Variants in ELMO1 observed in about 807,000 individuals in gnomAD.
ELMO1 encodes engulfment and cell motility 1, also known as engulfment and cell motility protein 1.
In ELMO1, 26 loss-of-function variants were observed where a neutral mutation model predicts 98.9. The ratio of observed to expected loss-of-function variants is 0.26; its 90% CI spans 0.19 to 0.36. ELMO1 has a LOEUF of 0.36. ELMO1 is among the 10% of genes least tolerant of loss of function. The pLI is 1.00. For synonymous variants in ELMO1, 346 were observed against 346.0 expected, an observed-to-expected ratio of 1.00 and a Z score of 0.00; for missense variants, 627 against 935.2, an observed-to-expected ratio of 0.67 and a Z score of 4.30.
intron 16 of ELMO1, among the ~76,000 whole-genome samples, chr7:36,974,472 C>T (rs912384100): frequency 2.6e-5 from 4 of 152,206 alleles, no homozygotes; most frequent in Non-Finnish European, 1.5e-5. Flanking sequence ...AATCGACACT[C>T]TGTATCTAGC....
At position 36,856,221 on chromosome 7, in the gene ELMO1, C is replaced by T. The variant is rs575633721; in HGVS notation, c.1984-470G>A. On this transcript the variant is annotated intron_variant, in intron 21 of 21. Transcript: ENST00000310758. ...TGGCTCCTAGTCTAGTAGCTCATCTCGGCCTGTCCTGTCTGATCCTAGCAT... is the reference window on the plus strand; with the variant it reads ...TGGCTCCTAGTCTAGTAGCTCATCTTGGCCTGTCCTGTCTGATCCTAGCAT... Among the ~76,000 whole-genome samples the T allele has an allele frequency of 1.5e-4, 23 of 152,290 alleles. 1 individual carries two copies. The South Asian group carries it at 3.9e-3, about 26-fold the overall frequency.
Position 37,428,467 on chromosome 7 carries a change from T to C in ELMO1, c.-74+20208A>G, listed in dbSNP as rs537911874. 6.4e-4 allele frequency among the ~76,000 whole-genome samples: 97 copies of C among 152,366 alleles called. No homozygotes were observed. The Middle Eastern group carries it at 0.01, about 16-fold the overall frequency. On this transcript the variant is annotated intron_variant, in intron 1 of 21. Transcript: ENST00000310758. ...CAGAACCAGCTAACCAATGTGTATA[T>C]GCCTGGAGCCAATCTCATCTGTGTC...
rs1354090178 is a variant in ELMO1 at position 36,854,467 on chromosome 7, G to A, written c.*1084C>T. On this transcript the variant is annotated 3_prime_UTR_variant, in exon 22 of 22. Coordinates refer to ENST00000310758, the MANE Select transcript of ELMO1 (RefSeq NM_014800.11). ...AAAAACTGGAAATTCACACATTTAT[G>A]TATCTCTTCTTTTCATTAAATATAT... 2 of 147,734 alleles carry A rather than the reference G, an allele frequency of 1.4e-5. No individual in the cohort carries two copies. Among genetic ancestry groups the A allele is most frequent in the Admixed American group, 1.4e-4 (2 of 14,580 alleles). 9.2% of individuals were successfully genotyped at this position (147,734 alleles called of 1,614,324 possible).
In ELMO1 at chr7:37,112,388, T is replaced by C. The variant is rs113663853; in HGVS notation, c.1192-15661A>G. Among the ~76,000 whole-genome samples, 1,155 of 152,020 alleles carry C rather than the reference T, an allele frequency of 7.6e-3. 15 individuals carry two copies. The highest frequency in any genetic ancestry group is 0.026 in the African/African-American group (1,057 of 41,450). On this transcript the variant is annotated intron_variant, in intron 14 of 21. Transcript: ENST00000310758. Reference sequence around the variant, plus strand: ...GATAAGTGGGCAAGCAGGGAAGGGATGGAGAAAGCAGGAGCTGAGTCAGCA... The same window carrying C: ...GATAAGTGGGCAAGCAGGGAAGGGACGGAGAAAGCAGGAGCTGAGTCAGCA...
intron 4 of ELMO1, among the ~76,000 whole-genome samples, chr7:37,275,802 G>A (rs371519067): frequency 6.6e-6 from 1 of 152,190 alleles, no homozygotes; most frequent in African/African-American, 2.4e-5. Context: ...AAATGTTAAG[G>A]TCCTGACAGA....
intron 13 of ELMO1, among the ~76,000 whole-genome samples, chr7:37,193,008 T>TATACAC (rs1184401217): frequency 1.6e-5 from 2 of 125,096 alleles, no homozygotes; most frequent in African/African-American, 6.5e-5. Flanking sequence ...TATATATATA[T>TATACAC]ACACACACAC....
chr7:36,932,811 C>G (rs1042016970), intron 16 of ELMO1, among the ~76,000 whole-genome samples: 2 of 152,164 alleles, frequency 1.3e-5, no homozygotes, highest in African/African-American at 4.8e-5. Flanking sequence ...TCTGTGTGCT[C>G]CATTCATCAC....
At chr7:37,309,464 G>A (rs73112613) in intron 4 of ELMO1, among the ~76,000 whole-genome samples, 236 of 152,356 alleles carry the variant, frequency 1.5e-3, no homozygotes, top group Middle Eastern at 6.8e-3. Context: ...ATTATTGCCT[G>A]TGGACTGGCC....
At chr7:36,919,450 T>C (rs778754212) in intron 16 of ELMO1, 3 of 517,230 alleles carry the variant, frequency 5.8e-6, no homozygotes, top group Admixed American at 3.9e-5. Context: ...CTAGGAAGAA[T>C]GTGGGCTTTG....
intron 16 of ELMO1, among the ~76,000 whole-genome samples, chr7:36,926,626 G>A (rs535386711): frequency 1.2e-3 from 180 of 152,240 alleles, no homozygotes; most frequent in Non-Finnish European, 2.2e-3. Flanking sequence ...AGGAGGAAGA[G>A]GATAGAAAGA....
chr7:36,976,229 A>G (rs1308224014), intron 16 of ELMO1, among the ~76,000 whole-genome samples: 1 of 152,206 alleles, frequency 6.6e-6, no homozygotes, highest in East Asian at 1.9e-4. Flanking sequence ...CCTAGAACCA[A>G]AACTCCCATT....
intron 1 of ELMO1, among the ~76,000 whole-genome samples, chr7:37,425,933 T>C (rs554914211): frequency 6.6e-6 from 1 of 152,296 alleles, no homozygotes; most frequent in East Asian, 1.9e-4. Flanking sequence ...AGAACAAGAC[T>C]CTGGACCCTC....
At chr7:37,396,793 G>C (rs1396084862) in intron 1 of ELMO1, among the ~76,000 whole-genome samples, 5 of 152,172 alleles carry the variant, frequency 3.3e-5, no homozygotes, top group Non-Finnish European at 5.9e-5. Context: ...CTATTTCCAA[G>C]TGTTAGATGC....
intron 2 of ELMO1, among the ~76,000 whole-genome samples, chr7:37,331,332 G>GGTTTTTTTTTT (rs1475509598): frequency 6.4e-5 from 1 of 15,678 alleles, no homozygotes; most frequent in Non-Finnish European, 1.6e-4. Flanking sequence ...GCCACGCCTG[G>GGTTTTTTTTTT]CTTTTTTTTT....
intron 1 of ELMO1, among the ~76,000 whole-genome samples, chr7:37,343,490 T>C (rs1047708937): frequency 0.033 from 602 of 18,148 alleles, 6 homozygotes; most frequent in African/African-American, 0.14. Context: ...CCCATTTCTT[T>C]TTTTTTTTTT....
Position 37,314,957 on chromosome 7 carries a change from G to C in ELMO1, c.120-35C>G, listed in dbSNP as rs201329535. 137 of 1,583,550 alleles carry C rather than the reference G, an allele frequency of 8.7e-5. 2 individuals carry two copies. The East Asian group carries it at 2.5e-3, about 29-fold the overall frequency. On this transcript the variant is annotated intron_variant, in intron 3 of 21. Coordinates refer to ENST00000310758, the MANE Select transcript of ELMO1 (RefSeq NM_014800.11). ...ACAAGCGTATACTGATTAGAAAAATGAAAGTGGCCATTTTCATTTTTACAA... is the reference window on the plus strand; with the variant it reads ...ACAAGCGTATACTGATTAGAAAAATCAAAGTGGCCATTTTCATTTTTACAA...
intron 1 of ELMO1, among the ~76,000 whole-genome samples, chr7:37,378,745 C>T (rs1371011998): frequency 6.6e-6 from 1 of 151,434 alleles, no homozygotes; most frequent in South Asian, 2.1e-4. Flanking sequence ...GAAAATCATT[C>T]CTGATCTTTT....
intron 4 of ELMO1, among the ~76,000 whole-genome samples, chr7:37,294,216 A>T (rs2717983): frequency 0.91 from 138,477 of 152,200 alleles, 64,216 homozygotes; most frequent in Non-Finnish European, 1. Flanking sequence ...AGGCTTGGGT[A>T]TTCTCTCCTT....
intron 16 of ELMO1, among the ~76,000 whole-genome samples, chr7:36,895,330 T>C (rs1805902414): frequency 6.6e-6 from 1 of 152,130 alleles, no homozygotes; most frequent in Non-Finnish European, 1.5e-5. Flanking sequence ...CTGTAAACAA[T>C]GCTAACTCAA....
Sources: allele counts gnomAD v4.1 joint callset (sites outside exome capture counted in the v4.1 genomes callset), GRCh38; gene constraint gnomAD v4.1.1; transcripts MANE v1.5; gene names NCBI Gene and HGNC (gene_info 2026-07-23, HGNC 2026-07-21).